GRIK2: variants seen among roughly 807,000 people sequenced by gnomAD.
GRIK2 encodes glutamate ionotropic receptor kainate type subunit 2, also known as glutamate receptor ionotropic, kainate 2.
GRIK2 carries 32 observed loss-of-function variants against 100.3 expected under a neutral mutation model. That is an observed-to-expected ratio of 0.32 (90% CI 0.24 to 0.43). The LOEUF (loss-of-function observed/expected upper bound fraction) is 0.43. Ranked by LOEUF, GRIK2 falls within the 20% of genes least tolerant of loss-of-function variation. The pLI, the probability that GRIK2 is intolerant of heterozygous loss-of-function variation, is 1.00. For synonymous variants in GRIK2, 417 were observed against 389.4 expected, an observed-to-expected ratio of 1.07 and a Z score of -0.83; for missense variants, 843 against 1,114.9, an observed-to-expected ratio of 0.76 and a Z score of 3.47.
intron 2 of GRIK2, among the ~76,000 whole-genome samples, chr6:101,577,847 GA>G (rs1461098866): frequency 6.6e-6 from 1 of 152,088 alleles, no homozygotes; most frequent in Non-Finnish European, 1.5e-5. Context: ...GGGACCAAAG[GA>G]AAGATGCCAT....
chr6:101,457,238 T>C (rs1247139041), intron 2 of GRIK2, among the ~76,000 whole-genome samples: 1 of 152,126 alleles, frequency 6.6e-6, no homozygotes, highest in African/African-American at 2.4e-5. Context: ...TCAACATCAA[T>C]ATTATAAACT....
intron 12 of GRIK2, among the ~76,000 whole-genome samples, chr6:101,896,920 T>C (rs1364809417): frequency 6.6e-6 from 1 of 151,730 alleles, no homozygotes; most frequent in African/African-American, 2.4e-5. Flanking sequence ...ACAACGCTTA[T>C]TAAATTCTTA....
At position 101,819,093 on chromosome 6, in the gene GRIK2, C is replaced by A. The variant is rs563297861; in HGVS notation, c.1317+610C>A. ...TTACCCCTCTTATATTTATTTATATCTTTTAATTAGATCACACAGTAATGT... is the reference window on the plus strand; with the variant it reads ...TTACCCCTCTTATATTTATTTATATATTTTAATTAGATCACACAGTAATGT... On this transcript the variant is annotated intron_variant, in intron 10 of 16. Coordinates refer to ENST00000369134, the MANE Select transcript of GRIK2 (RefSeq NM_021956.5). Among the ~76,000 whole-genome samples, 3 of 152,110 alleles carry A rather than the reference C, an allele frequency of 2.0e-5. No homozygotes were observed. In the East Asian group the frequency reaches 5.8e-4, roughly 29 times the overall value.
intron 2 of GRIK2, among the ~76,000 whole-genome samples, chr6:101,528,082 A>G (rs1446059414): frequency 6.6e-6 from 1 of 152,068 alleles, no homozygotes; most frequent in Non-Finnish European, 1.5e-5. Flanking sequence ...AATTTCTTCA[A>G]CTGTAAGATG....
chr6:101,972,594 T>TTTTTTTTTTTTTTTTTTTTTG (rs1554185294), intron 14 of GRIK2, among the ~76,000 whole-genome samples: 1 of 151,644 alleles, frequency 6.6e-6, no homozygotes, highest in Non-Finnish European at 1.5e-5. Context: ...GTCCTACTTT[T>TTTTTTTTTTTTTTTTTTTTTG]ATTGCAATTG....
In GRIK2 at chr6:101,492,970, T is replaced by C. The variant is rs1414617390; in HGVS notation, c.115+93578T>C. ...ATAAACCGGCAGGTTTGAAAAAGAA[T>C]TAAGTAGAATTTTTGAAATAAAAAT... On this transcript the variant is annotated intron_variant, in intron 2 of 16. Transcript: ENST00000369134. Among the ~76,000 whole-genome samples, 5 of 151,832 alleles carry C rather than the reference T, an allele frequency of 3.3e-5. No individual in the cohort carries two copies. In the South Asian group the frequency reaches 8.3e-4, roughly 25 times the overall value.
At chr6:101,477,000 T>C (rs1413465109) in intron 2 of GRIK2, among the ~76,000 whole-genome samples, 1 of 152,186 alleles carries the variant, frequency 6.6e-6, no homozygotes, top group Non-Finnish European at 1.5e-5. Context: ...TTAATTTAAA[T>C]ATTAATTGTA....
Position 101,952,605 on chromosome 6 carries a change from TA to T in GRIK2, c.2085+23974del, listed in dbSNP as rs779907607. ...ATTCAGAACTGCATAATCACCACAA[TA>T]TTTTTTTTTTTTTTGAGGCGGAGTC... On this transcript the variant is annotated intron_variant, in intron 14 of 16. Transcript: ENST00000369134. 4.0e-4 allele frequency among the ~76,000 whole-genome samples: 60 copies of T among 149,872 alleles called. No individual in the cohort carries two copies. The East Asian group carries it at 4.5e-3, about 11-fold the overall frequency.
At chr6:101,694,689 A>G (rs12192763) in intron 7 of GRIK2, among the ~76,000 whole-genome samples, 2,416 of 152,118 alleles carry the variant, frequency 0.016, 23 homozygotes, top group Non-Finnish European at 0.025. Context: ...AATGTATAGA[A>G]TATGTTTTCT....
At chr6:101,767,308 C>T (rs995035145) in intron 7 of GRIK2, among the ~76,000 whole-genome samples, 2 of 151,954 alleles carry the variant, frequency 1.3e-5, no homozygotes, top group Non-Finnish European at 2.9e-5. Context: ...GAGTATTCTT[C>T]TCACAGAATG....
chr6:102,044,567 G>A (rs748260106), intron 15 of GRIK2, among the ~76,000 whole-genome samples: 4 of 151,912 alleles, frequency 2.6e-5, no homozygotes, highest in East Asian at 1.9e-4. Flanking sequence ...ATCAGATCTC[G>A]TGAGACTTAT....
intron 7 of GRIK2, among the ~76,000 whole-genome samples, chr6:101,737,766 G>A (rs1419349888): frequency 6.6e-6 from 1 of 152,098 alleles, no homozygotes; most frequent in East Asian, 1.9e-4. Flanking sequence ...TTGCTTTTAT[G>A]TTGATTTTTA....
chr6:101,763,231 C>T (rs558025841), intron 7 of GRIK2, among the ~76,000 whole-genome samples: 46 of 152,240 alleles, frequency 3.0e-4, no homozygotes, highest in Admixed American at 5.2e-4. Flanking sequence ...TAAGAACATT[C>T]GAGTAGCAGG....
Position 101,692,941 on chromosome 6 carries a change from T to G in GRIK2, c.951+6588T>G, listed in dbSNP as rs183305870. Among the ~76,000 whole-genome samples, 371 of 152,196 alleles carry G rather than the reference T, an allele frequency of 2.4e-3. 1 individual carries two copies. The highest frequency in any genetic ancestry group is 3.8e-3 in the Non-Finnish European group (258 of 67,976). ...ATGAATGGTAAAAGGACATGGAGCATGGAATGTGAATAACAGAATGGCACT... is the reference window on the plus strand; with the variant it reads ...ATGAATGGTAAAAGGACATGGAGCAGGGAATGTGAATAACAGAATGGCACT... On this transcript the variant is annotated intron_variant, in intron 7 of 16. Transcript: ENST00000369134.
intron 2 of GRIK2, among the ~76,000 whole-genome samples, chr6:101,614,183 G>A (rs1779799210): frequency 6.6e-6 from 1 of 151,830 alleles, no homozygotes; most frequent in Middle Eastern, 3.4e-3. Context: ...CATAGTACAT[G>A]TAAATATTTG....
At chr6:101,575,230 TAGTA>T (rs1421317685) in intron 2 of GRIK2, among the ~76,000 whole-genome samples, 8 of 151,918 alleles carry the variant, frequency 5.3e-5, no homozygotes, top group Admixed American at 5.3e-4. Context: ...ACTAAGATAG[TAGTA>T]AGTAATATTA....
intron 11 of GRIK2, among the ~76,000 whole-genome samples, chr6:101,874,866 A>C (rs1167315477): frequency 6.6e-6 from 1 of 152,056 alleles, no homozygotes. Flanking sequence ...GCAATTGTGA[A>C]TGGGAGTTCA....
chr6:101,408,377 AG>A (rs200408181), intron 2 of GRIK2, among the ~76,000 whole-genome samples: 2,158 of 63,486 alleles, frequency 0.034, 50 homozygotes, highest in African/African-American at 0.13. Context: ...GGAGGAAGTG[AG>A]AGAGAGAGAG....
Position 101,939,133 on chromosome 6 carries a change from C to T in GRIK2, c.2085+10501C>T, listed in dbSNP as rs1489982775. Among the ~76,000 whole-genome samples, 3 of 151,918 alleles carry T rather than the reference C, an allele frequency of 2.0e-5. 1 individual carries two copies. The highest frequency in any genetic ancestry group is 2.9e-5 in the Non-Finnish European group (2 of 67,918). The stretch of plus-strand genomic sequence containing the variant: ...TAATAAAAGCCAAAGAATTGGGAAA[C>T]AGCATTACTAATGGATATAATTTAT... On this transcript the variant is annotated intron_variant, in intron 14 of 16. Transcript: ENST00000369134.
Sources: allele counts gnomAD v4.1 joint callset (sites outside exome capture counted in the v4.1 genomes callset), GRCh38; gene constraint gnomAD v4.1.1; transcripts MANE v1.5; gene names NCBI Gene and HGNC (gene_info 2026-07-23, HGNC 2026-07-21).